ACSS1: variants seen among roughly 807,000 people sequenced by gnomAD.
ACSS1 encodes acyl-CoA synthetase short chain family member 1.
In ACSS1, 42 loss-of-function variants were observed where a neutral mutation model predicts 75.3. The observed-to-expected ratio is 0.56, with a 90% CI of 0.44 to 0.72. The LOEUF is 0.72. Among genes scored for constraint, ACSS1 ranks in the 30% least tolerant of loss-of-function variants. The pLI is 0.00. For synonymous variants in ACSS1, 380 were observed against 376.8 expected, an observed-to-expected ratio of 1.01 and a Z score of -0.10; for missense variants, 782 against 935.7, an observed-to-expected ratio of 0.84 and a Z score of 2.14.
chr20:25,017,837 T>C (rs544927557), intron 7 of ACSS1, among the ~76,000 whole-genome samples: 5 of 152,312 alleles, frequency 3.3e-5, no homozygotes, highest in Middle Eastern at 3.4e-3. Context: ...CATGAGTGTA[T>C]CTGGAAAACC....
At chr20:25,048,003 G>T in intron 2 of ACSS1, 82 bp downstream of exon 2, 3 of 1,271,336 alleles carry the variant, frequency 2.4e-6, no homozygotes, top group Non-Finnish European at 1.1e-6. Context: ...GACTCAGACG[G>T]CCCCTCCCTG....
intron 3 of ACSS1, among the ~76,000 whole-genome samples, chr20:25,026,333 G>A (rs538566256): frequency 1.2e-3 from 182 of 152,278 alleles, no homozygotes; most frequent in Admixed American, 3.1e-3. Context: ...GGACTGGTTC[G>A]GCCAATCTAG....
intron 3 of ACSS1, among the ~76,000 whole-genome samples, chr20:25,027,836 A>T (rs899212824): frequency 1.3e-5 from 2 of 152,014 alleles, no homozygotes; most frequent in Admixed American, 1.3e-4. Context: ...AAGAAGTAAA[A>T]CTATATTCAG....
intron 2 of ACSS1, among the ~76,000 whole-genome samples, chr20:25,040,107 G>T (rs1253679650): frequency 6.6e-6 from 1 of 152,182 alleles, no homozygotes; most frequent in African/African-American, 2.4e-5. Context: ...TTGGAAAGGG[G>T]TGTAGGTTTT....
chr20:25,012,932 G>C lies in ACSS1; in HGVS notation c.1587C>G (p.Tyr529Ter). ...TTCGGTAAGCCCCGTCTCCAGTGAAGTAATAGCCTGCACCACAGCAGGGAA... is the reference window on the plus strand; with the variant it reads ...TTCGGTAAGCCCCGTCTCCAGTGAACTAATAGCCTGCACCACAGCAGGGAA... ...DAYFKAYPGY[Y>*]FTGDGAYRTE... The change falls in exon 11 of 14, where the codon TAC becomes TAG. Residue 529 changes from tyrosine to a stop codon, truncating the protein, a stop_gained. Transcript: ENST00000323482. LOFTEE classifies it high-confidence loss of function. 3.1e-6 allele frequency: 5 copies of C among 1,614,210 alleles called. No homozygotes were observed. Among genetic ancestry groups the C allele is most frequent in the Non-Finnish European group, 4.2e-6 (5 of 1,180,046 alleles).
At chr20:25,014,174 G>T in intron 8 of ACSS1, 101 bp from the exon 9 acceptor site, 1 of 972,484 alleles carries the variant, frequency 1.0e-6, no homozygotes, top group Non-Finnish European at 1.5e-6. Flanking sequence ...TGTGGGCAAG[G>T]AAACGCCTCA....
At chr20:25,054,277 C>G (rs2089213409) in intron 1 of ACSS1, among the ~76,000 whole-genome samples, 1 of 152,210 alleles carries the variant, frequency 6.6e-6, no homozygotes, top group Admixed American at 6.5e-5. Context: ...CCCATGTGGT[C>G]CAGTTCAGAT....
rs564165526 is a variant in ACSS1 at position 25,016,644 on chromosome 20, T to C, written c.1247-1414A>G. On this transcript the variant is annotated intron_variant, in intron 7 of 13. Transcript: ENST00000323482. ...CACATTGGCAGCTCAGTGTCTTGTG[T>C]GTCACACCTGCACTCAGAACATCCA... is the stretch of plus-strand genomic sequence containing the variant. 7.2e-4 allele frequency among the ~76,000 whole-genome samples: 109 copies of C among 152,340 alleles called. No homozygotes were observed. The East Asian group carries it at 0.012, about 17-fold the overall frequency.
rs552880419 is a variant in ACSS1, at chr20:25,017,564, C to T, written c.1247-2334G>A. On this transcript the variant is annotated intron_variant, in intron 7 of 13. Coordinates refer to ENST00000323482, the MANE Select transcript of ACSS1 (RefSeq NM_032501.4). Reference sequence around the variant, plus strand: ...GCACCTGGCCTCCCGCAGGGCTCTGCGGCTAGAACCGGTTATGCAACAGGA... The same window carrying T: ...GCACCTGGCCTCCCGCAGGGCTCTGTGGCTAGAACCGGTTATGCAACAGGA... Among the ~76,000 whole-genome samples the T allele has an allele frequency of 1.5e-4, 23 of 152,348 alleles. No individual in the cohort carries two copies. In the South Asian group the frequency reaches 3.1e-3, roughly 21 times the overall value.
intron 3 of ACSS1, among the ~76,000 whole-genome samples, chr20:25,024,437 C>T (rs892162264): frequency 3.9e-5 from 6 of 152,166 alleles, no homozygotes; most frequent in Non-Finnish European, 8.8e-5. Flanking sequence ...TACACAGCCC[C>T]TCAGGAAGAG....
chr20:25,055,470 C>T (rs1224826327), intron 1 of ACSS1, among the ~76,000 whole-genome samples: 3 of 152,152 alleles, frequency 2.0e-5, no homozygotes, highest in African/African-American at 7.2e-5. Context: ...GGGCCAAGGC[C>T]AGGACACTAA....
rs188228873 is a variant in ACSS1 at position 25,028,279 on chromosome 20, A to G, written c.631+2480T>C. 2.5e-3 allele frequency among the ~76,000 whole-genome samples: 382 copies of G among 152,360 alleles called. 5 individuals are homozygous for G. The highest frequency in any genetic ancestry group is 3.4e-3 in the Middle Eastern group (1 of 294). On this transcript the variant is annotated intron_variant, in intron 3 of 13. Transcript: ENST00000323482. Reference sequence around the variant, plus strand: ...AATCCTAAAATTCCTATGAAAATACAAGAAAGCAAGAAGAGCCAAAACAAT... The same window carrying G: ...AATCCTAAAATTCCTATGAAAATACGAGAAAGCAAGAAGAGCCAAAACAAT...
chr20:25,033,266 G>A (rs1263131466), intron 2 of ACSS1, among the ~76,000 whole-genome samples: 1 of 152,214 alleles, frequency 6.6e-6, no homozygotes, highest in Non-Finnish European at 1.5e-5. Flanking sequence ...ATGAAATTTA[G>A]TCCCTGTTCT....
chr20:25,019,208 G>T (rs1317913780), intron 7 of ACSS1, among the ~76,000 whole-genome samples: 1 of 152,232 alleles, frequency 6.6e-6, no homozygotes, highest in Non-Finnish European at 1.5e-5. Context: ...CACACGTCAA[G>T]GCAGACATGA....
chr20:25,021,068 T>C (rs1252181368), intron 6 of ACSS1, among the ~76,000 whole-genome samples: 1 of 152,074 alleles, frequency 6.6e-6, no homozygotes, highest in East Asian at 1.9e-4. Context: ...AAGGGCTGGA[T>C]CTGGGCAAGC....
chr20:25,051,015 C>T (rs2089167565), intron 1 of ACSS1, among the ~76,000 whole-genome samples: 1 of 152,200 alleles, frequency 6.6e-6, no homozygotes, highest in Non-Finnish European at 1.5e-5. Flanking sequence ...CAGAGGTGCT[C>T]AAAAAGTGGC....
At chr20:25,042,446 T>A (rs557915204) in intron 2 of ACSS1, among the ~76,000 whole-genome samples, 1 of 152,044 alleles carries the variant, frequency 6.6e-6, no homozygotes, top group Non-Finnish European at 1.5e-5. Context: ...ACTCCACGCC[T>A]CACCCCACCA....
intron 1 of ACSS1, 100 bp downstream of exon 1, chr20:25,057,669 G>C: frequency 1.4e-5 from 18 of 1,259,222 alleles, no homozygotes; most frequent in Non-Finnish European, 2.0e-5. Flanking sequence ...GCAGGGCTGC[G>C]ATCCGCGCTG....
At chr20:25,053,907 A>G (rs1358243213) in intron 1 of ACSS1, among the ~76,000 whole-genome samples, 1 of 152,236 alleles carries the variant, frequency 6.6e-6, no homozygotes, top group Non-Finnish European at 1.5e-5. Flanking sequence ...AACACATGTC[A>G]TTACCCTCTG....
Sources: allele counts gnomAD v4.1 joint callset (sites outside exome capture counted in the v4.1 genomes callset), GRCh38; gene constraint gnomAD v4.1.1; transcripts MANE v1.5; gene names NCBI Gene and HGNC (gene_info 2026-07-23, HGNC 2026-07-21).